The following B4GALT7 variants were observed in gnomAD, a reference collection of about 807,000 sequenced individuals.
B4GALT7 encodes beta-1,4-galactosyltransferase 7.
A neutral mutation model predicts 33.0 loss-of-function variants in B4GALT7; 30 were observed. The observed-to-expected ratio is 0.91, with a 90% confidence interval of 0.68 to 1.23. The LOEUF (loss-of-function observed/expected upper bound fraction) is 1.23. Ranked by LOEUF, B4GALT7 falls within the 50% of genes most tolerant of loss-of-function variation. The pLI, the probability that B4GALT7 is intolerant of heterozygous loss-of-function variation, is 0.00. For missense variants in B4GALT7, 507 were observed against 450.8 expected (o/e 1.12, Z -1.13); for synonymous variants, 213 against 187.2 (o/e 1.14, Z -1.13).
Position 177,608,488 on chromosome 5 carries a change from C to CG in B4GALT7, c.640-51_640-50insG. The CG allele has an allele frequency of 4.0e-6, 2 of 502,376 alleles. No homozygotes were observed. Among genetic ancestry groups the CG allele is most frequent in the Non-Finnish European group, 5.5e-6 (2 of 365,182 alleles). The allele number at this position is 502,376 out of a possible 1,614,324, so 31.1% of individuals were successfully genotyped here. ...CTCCCGAGCGGTAGGAGACCAAAGG[C>CG]CCCCCCCCCCGGGAAGATGGGCCGA... is the stretch of plus-strand genomic sequence containing the variant. On this transcript the variant is annotated intron_variant, in intron 3 of 5. Transcript: ENST00000029410. This position sits in a 1 kb window ranked among gnomAD's most constrained non-coding sequence, Gnocchi z 4.1.
chr5:177,605,969 CA>C (rs1767993269), intron 2 of B4GALT7: 1 of 152,586 alleles, frequency 6.6e-6, no homozygotes, highest in Non-Finnish European at 1.5e-5. Context: ...GACCTGCCAG[CA>C]GCATCTTCTT....
rs1311839195 is a variant in B4GALT7, at chr5:177,600,239, A to T, written c.29A>T (p.Gln10Leu). The change falls in exon 1 of 6, where the codon CAG (glutamine) becomes CTG (leucine). Residue 10 changes from glutamine to leucine, a missense_variant. Physicochemically the swap from Gln to Leu is moderately radical, Grantham distance 113. Transcript: ENST00000029410. The surrounding 1 kb of genome is among the most constrained non-coding windows in gnomAD (Gnocchi z 4.4). MFPSRRKAA[Q>L]LPWEDGRSGL... is the part of the protein sequence containing the mutation. ...TTCCCCTCGCGGAGGAAAGCGGCGC[A>T]GCTGCCCTGGGAGGACGGCAGGTGA... 5 of 1,397,366 alleles carry T rather than the reference A, an allele frequency of 3.6e-6. No individual in the cohort carries two copies. The highest frequency in any genetic ancestry group is 3.7e-6 in the Non-Finnish European group (4 of 1,069,624). 86.6% of individuals were successfully genotyped at this position (1,397,366 alleles called of 1,614,324 possible). A position where few individuals can be genotyped will look rare whatever the true frequency, so the allele number is the denominator to read the frequency against.
At position 177,604,407 on chromosome 5, in the gene B4GALT7, C is replaced by G. The variant is rs781594235; in HGVS notation, c.279C>G (p.His93Gln). ...AAGAAGACGCATCCTGGGGCCCCCA[C>G]CGCCTGGCAGTGCTGGTGCCCTTCC... Reference protein sequence around the residue: ...HWEEDASWGPHRLAVLVPFRE... With the variant: ...HWEEDASWGPQRLAVLVPFRE... Residue 93 changes from histidine to glutamine, a missense_variant, in exon 2 of 6, where the codon CAC (histidine) becomes CAG (glutamine). Transcript: ENST00000029410. 4.3e-6 allele frequency: 7 copies of G among 1,613,742 alleles called. No homozygotes were observed. The African/African-American group carries it at 9.3e-5, about 22-fold the overall frequency.
Position 177,607,543 on chromosome 5 carries a change from C to G in B4GALT7, c.639+16C>G, listed in dbSNP as rs1554126797. 1 of 1,605,582 alleles carries G rather than the reference C, an allele frequency of 6.2e-7. No individual in the cohort carries two copies. The highest frequency in any genetic ancestry group is 8.5e-7 in the Non-Finnish European group (1 of 1,177,390). ...CTACCGGCTGGTGAGGCCCGGACAG[C>G]CTGCTCTGCTCAGAGCCGGGAGCTC... is the stretch of plus-strand genomic sequence containing the variant. On this transcript the variant is annotated intron_variant, in intron 3 of 5. Transcript: ENST00000029410.
rs566517243 is a variant in B4GALT7, at chr5:177,604,547, G to A, written c.413+6G>A. Reference sequence around the variant, plus strand: ...AACCAGGTGGACCACTTCAGGTAGCGCCCGCCCCCACCCTCTCCCCTCGGC... The same window carrying A: ...AACCAGGTGGACCACTTCAGGTAGCACCCGCCCCCACCCTCTCCCCTCGGC... On this transcript the variant is annotated splice_donor_region_variant and intron_variant, in intron 2 of 5. Transcript: ENST00000029410. 15 of 1,613,554 alleles carry A rather than the reference G, an allele frequency of 9.3e-6. No individual in the cohort carries two copies. The highest frequency in any genetic ancestry group is 6.7e-5 in the Admixed American group (4 of 60,000).
At chr5:177,602,696 G>T (rs985921185) in intron 1 of B4GALT7, 1 of 255,422 alleles carries the variant, frequency 3.9e-6, no homozygotes, top group Non-Finnish European at 6.2e-6. Flanking sequence ...GAGAACATGG[G>T]GCGAAGGCTT....
rs566467002 is a variant in B4GALT7, at chr5:177,605,029, C to T, written c.413+488C>T. On this transcript the variant is annotated intron_variant, in intron 2 of 5. Coordinates refer to ENST00000029410, the MANE Select transcript of B4GALT7 (RefSeq NM_007255.3). Reference sequence around the variant, plus strand: ...CTGAGATCTCACCCACCAGCCCCCACCTCCTTTCCCTCTAGGTAACTCCCA... The same window carrying T: ...CTGAGATCTCACCCACCAGCCCCCATCTCCTTTCCCTCTAGGTAACTCCCA... 1.8e-5 allele frequency: 8 copies of T among 456,000 alleles called. No individual in the cohort carries two copies. The East Asian group carries it at 2.1e-4, about 12-fold the overall frequency. 28.2% of individuals were successfully genotyped at this position (456,000 alleles called of 1,614,324 possible). A position where few individuals can be genotyped will look rare whatever the true frequency, so the allele number is the denominator to read the frequency against.
At chr5:177,605,047 A>T in intron 2 of B4GALT7, 1 of 455,786 alleles carries the variant, frequency 2.2e-6, no homozygotes, top group Non-Finnish European at 4.4e-6. Flanking sequence ...CCCTCTAGGT[A>T]ACTCCCACTG....
chr5:177,607,572 C>T (rs774591157), intron 3 of B4GALT7, 45 bp downstream of exon 3: 2 of 1,570,138 alleles, frequency 1.3e-6, no homozygotes, highest in South Asian at 1.1e-5. Flanking sequence ...GGAGCTCCCT[C>T]CAGGCTGCGG....
chr5:177,602,518 A>T (rs993726706), intron 1 of B4GALT7, among the ~76,000 whole-genome samples: 1 of 152,104 alleles, frequency 6.6e-6, no homozygotes, highest in Non-Finnish European at 1.5e-5. Context: ...TGGGAGCATT[A>T]TGGGGGCAGG....
chr5:177,604,467 C>T lies in B4GALT7; in HGVS notation c.339C>T (p.Pro113=). ...ERFEELLVFV[P]HMRRFLSRKK... Reference sequence around the variant, plus strand: ...TCGAGGAGCTCCTGGTCTTCGTGCCCCACATGCGCCGCTTCCTGAGCAGGA... The same window carrying T: ...TCGAGGAGCTCCTGGTCTTCGTGCCTCACATGCGCCGCTTCCTGAGCAGGA... The change falls in exon 2 of 6, where the codon CCC becomes CCT. Residue 113 remains proline, a synonymous_variant. Coordinates refer to ENST00000029410, the MANE Select transcript of B4GALT7 (RefSeq NM_007255.3). The T allele has an allele frequency of 3.7e-6, 6 of 1,614,042 alleles. No individual in the cohort carries two copies. Among genetic ancestry groups the T allele is most frequent in the Non-Finnish European group, 4.2e-6 (5 of 1,179,966 alleles).
At position 177,609,649 on chromosome 5, in the gene B4GALT7, T is replaced by G. The variant is rs757174910; in HGVS notation, c.938T>G (p.Met313Arg). The change falls in exon 6 of 6, where the codon ATG becomes AGG. Residue 313 changes from methionine (M) to arginine (R), a missense_variant. By Grantham distance (91) the Met-to-Arg change is moderately conservative (BLOSUM62 -1). Coordinates refer to ENST00000029410, the MANE Select transcript of B4GALT7 (RefSeq NM_007255.3). ...GGAPCTVLNI[M>R]LDCDKTATPW... The stretch of plus-strand genomic sequence containing the variant: ...GCCCCCTGCACTGTCCTCAACATCA[T>G]GTTGGACTGTGACAAGACCGCCACA... 1.2e-6 allele frequency: 2 copies of G among 1,613,680 alleles called. No individual in the cohort carries two copies. The highest frequency in any genetic ancestry group is 1.7e-6 in the Non-Finnish European group (2 of 1,179,902).
At position 177,606,551 on chromosome 5, in the gene B4GALT7, T is replaced by C. The variant is rs1012811095; in HGVS notation, c.414-751T>C. 1.3e-5 allele frequency: 2 copies of C among 154,140 alleles called. No individual in the cohort carries two copies. Among genetic ancestry groups the C allele is most frequent in the Non-Finnish European group, 1.4e-5 (1 of 69,348 alleles). 9.5% of individuals were successfully genotyped at this position (154,140 alleles called of 1,614,324 possible). A position where few individuals can be genotyped will look rare whatever the true frequency, so the allele number is the denominator to read the frequency against. On this transcript the variant is annotated intron_variant, in intron 2 of 5. Transcript: ENST00000029410. This position sits in a 1 kb window ranked among gnomAD's most constrained non-coding sequence, Gnocchi z 4.2. ...ATCTTTTGGTCTCTCACCTAAATCA[T>C]TGCCATAGTCTCCCAGCTGGTCTCC...
rs1581989752 is a variant in B4GALT7, at chr5:177,600,476, A to C, written c.50+216A>C. On this transcript the variant is annotated intron_variant, in intron 1 of 5. Coordinates refer to ENST00000029410, the MANE Select transcript of B4GALT7 (RefSeq NM_007255.3). This position sits in a 1 kb window ranked among gnomAD's most constrained non-coding sequence, Gnocchi z 4.4. ...CCCGCCCCCTCTCCCTTTCCGCGGC[A>C]CTCGTCCTTCCCCCAGCACCTTCCC... 2.2e-5 allele frequency among the ~76,000 whole-genome samples: 2 copies of C among 89,508 alleles called. No individual in the cohort carries two copies. The allele number at this position is 89,508 out of a possible 152,430, so 58.7% of individuals were successfully genotyped here. A position where few individuals can be genotyped will look rare whatever the true frequency, so the allele number is the denominator to read the frequency against.
chr5:177,609,870 C>G lies in B4GALT7; in HGVS notation c.*175C>G. The stretch of plus-strand genomic sequence containing the variant: ...GGCAGGCTTGGGCTGGGCCAGGACA[C>G]GTGGGGTGCCTGGGACGCTGCTTGC... On this transcript the variant is annotated 3_prime_UTR_variant, in exon 6 of 6. Coordinates refer to ENST00000029410, the MANE Select transcript of B4GALT7 (RefSeq NM_007255.3). 1.3e-6 allele frequency: 1 copy of G among 779,814 alleles called. No individual in the cohort carries two copies. The highest frequency in any genetic ancestry group is 2.1e-6 in the Non-Finnish European group (1 of 481,588). The allele number at this position is 779,814 out of a possible 1,614,324, so 48.3% of individuals were successfully genotyped here.
rs947852034 is a variant in B4GALT7, at chr5:177,606,723, C to G, written c.414-579C>G. 1.3e-5 allele frequency: 3 copies of G among 223,268 alleles called. No individual in the cohort carries two copies. The Admixed American group carries it at 1.6e-4, about 12-fold the overall frequency. The allele number at this position is 223,268 out of a possible 1,614,324, so 13.8% of individuals were successfully genotyped here. A position where few individuals can be genotyped will look rare whatever the true frequency, so the allele number is the denominator to read the frequency against. Reference sequence around the variant, plus strand: ...GTCAAAGCCCCGTCCTTCAGTGGCCCTTGGGCCTTGTGCAGTCACTGTGTC... The same window carrying G: ...GTCAAAGCCCCGTCCTTCAGTGGCCGTTGGGCCTTGTGCAGTCACTGTGTC... On this transcript the variant is annotated intron_variant, in intron 2 of 5. Transcript: ENST00000029410. This position sits in a 1 kb window ranked among gnomAD's most constrained non-coding sequence, Gnocchi z 4.2.
In B4GALT7 at chr5:177,600,218, C is replaced by T. The variant is rs1418978445; in HGVS notation, c.8C>T (p.Pro3Leu). MF[P>L]SRRKAAQLPW... ...CCGCCGCCTCTCCGCACGATGTTCCCCTCGCGGAGGAAAGCGGCGCAGCTG... is the reference window on the plus strand; with the variant it reads ...CCGCCGCCTCTCCGCACGATGTTCCTCTCGCGGAGGAAAGCGGCGCAGCTG... Residue 3 changes from proline to leucine, a missense_variant, in exon 1 of 6, where the codon CCC (proline) becomes CTC (leucine). Coordinates refer to ENST00000029410, the MANE Select transcript of B4GALT7 (RefSeq NM_007255.3). The surrounding 1 kb of genome is among the most constrained non-coding windows in gnomAD (Gnocchi z 4.4). 13 of 1,392,352 alleles carry T rather than the reference C, an allele frequency of 9.3e-6. No homozygotes were observed. The highest frequency in any genetic ancestry group is 1.2e-5 in the Non-Finnish European group (13 of 1,066,754). The allele number at this position is 1,392,352 out of a possible 1,614,324, so 86.2% of individuals were successfully genotyped here.
intron 5 of B4GALT7, 85 bp from the exon 6 acceptor site, chr5:177,609,453 CCT>C (rs1768112415): frequency 4.1e-5 from 62 of 1,525,528 alleles, no homozygotes; most frequent in Non-Finnish European, 5.5e-5. Context: ...GACCACAGGA[CCT>C]CTGATGGCGA....
rs1043704473 is a variant in B4GALT7, at chr5:177,608,708, G to A, written c.723+86G>A. On this transcript the variant is annotated intron_variant, in intron 4 of 5. Transcript: ENST00000029410. The surrounding 1 kb of genome is among the most constrained non-coding windows in gnomAD (Gnocchi z 4.1). ...TGTTTCCTCAGATGAAGCTCCTGGG[G>A]TCTGGAGATGGCCCTGATTCTGATC... The A allele has an allele frequency of 4.5e-6, 6 of 1,324,078 alleles. No individual in the cohort carries two copies. The highest frequency in any genetic ancestry group is 1.8e-5 in the Admixed American group (1 of 55,434). 82.0% of individuals were successfully genotyped at this position (1,324,078 alleles called of 1,614,324 possible).
Sources: allele counts gnomAD v4.1 joint callset (sites outside exome capture counted in the v4.1 genomes callset), GRCh38; gene constraint gnomAD v4.1.1; non-coding constraint Gnocchi (gnomAD v3.1); transcripts MANE v1.5; gene names NCBI Gene and HGNC (gene_info 2026-07-23, HGNC 2026-07-21).